The following USP13 variants were observed in gnomAD, a reference collection of about 807,000 sequenced individuals.
USP13 encodes the protein ubiquitin carboxyl-terminal hydrolase 13.
A neutral mutation model predicts 107.8 loss-of-function variants in USP13; 68 were observed. That is an observed-to-expected ratio of 0.63 (90% CI 0.52 to 0.77). The LOEUF is 0.77. USP13 is among the 30% of genes least tolerant of loss of function. The pLI is 0.00. For synonymous variants in USP13, 377 were observed against 389.5 expected, an observed-to-expected ratio of 0.97 and a Z score of 0.38; for missense variants, 945 against 1,093.3, an observed-to-expected ratio of 0.86 and a Z score of 1.91.
chr3:179,711,393 A>G (rs1367149179), intron 6 of USP13, among the ~76,000 whole-genome samples: 1 of 152,108 alleles, frequency 6.6e-6, no homozygotes, highest in Non-Finnish European at 1.5e-5. Flanking sequence ...TTGTATTTTT[A>G]GTAGAGATGG....
intron 1 of USP13, among the ~76,000 whole-genome samples, chr3:179,658,979 C>G (rs757606128): frequency 2.6e-5 from 4 of 152,252 alleles, no homozygotes; most frequent in East Asian, 3.9e-4. Flanking sequence ...AAAAGGTGGC[C>G]GGAGGGGATA....
chr3:179,780,738 T>C (rs556463397), intron 19 of USP13, among the ~76,000 whole-genome samples: 1 of 152,104 alleles, frequency 6.6e-6, no homozygotes, highest in Admixed American at 6.5e-5. Context: ...GCTGAGTAAG[T>C]TGAATGAGCC....
chr3:179,778,053 G>A (rs537468529), intron 19 of USP13, among the ~76,000 whole-genome samples: 2 of 152,006 alleles, frequency 1.3e-5, no homozygotes, highest in South Asian at 4.2e-4. Context: ...AACTTTTTTT[G>A]CCTGGCTTCT....
At chr3:179,730,319 AGT>A in intron 9 of USP13, 59 bp downstream of exon 9, 1 of 1,544,520 alleles carries the variant, frequency 6.5e-7, no homozygotes, top group South Asian at 1.2e-5. Context: ...AAATGTTCAT[AGT>A]GGATATCTCT....
chr3:179,725,922 C>T (rs1250063072), intron 8 of USP13, among the ~76,000 whole-genome samples: 1 of 152,162 alleles, frequency 6.6e-6, no homozygotes, highest in Non-Finnish European at 1.5e-5. Context: ...GGAAAGACCT[C>T]CTCCATGATT....
chr3:179,701,628 A>C (rs774516932), intron 4 of USP13, among the ~76,000 whole-genome samples: 16 of 152,252 alleles, frequency 1.1e-4, no homozygotes, highest in Non-Finnish European at 2.2e-4. Flanking sequence ...AGAACAAAGC[A>C]TTTACAAACT....
At chr3:179,662,529 C>T (rs1720485297) in intron 1 of USP13, among the ~76,000 whole-genome samples, 1 of 152,158 alleles carries the variant, frequency 6.6e-6, no homozygotes, top group Non-Finnish European at 1.5e-5. Flanking sequence ...GCTTTCCAGA[C>T]TTTAGTGCTA....
intron 12 of USP13, among the ~76,000 whole-genome samples, 193 bp from the exon 13 acceptor site, chr3:179,744,850 C>A (rs909670184): frequency 5.9e-5 from 9 of 152,130 alleles, no homozygotes; most frequent in Admixed American, 5.9e-4. Flanking sequence ...TGGCTTGATA[C>A]CACCTGTTGG....
intron 14 of USP13, among the ~76,000 whole-genome samples, 172 bp downstream of exon 14, chr3:179,752,545 C>T (rs1011994386): frequency 6.6e-6 from 1 of 152,216 alleles, no homozygotes; most frequent in Non-Finnish European, 1.5e-5. Flanking sequence ...ATAAAAATTG[C>T]CATCTGCTTA....
At chr3:179,709,427 G>C (rs1207828859) in intron 6 of USP13, among the ~76,000 whole-genome samples, 1 of 152,186 alleles carries the variant, frequency 6.6e-6, no homozygotes, top group Admixed American at 6.5e-5. Context: ...GAGAATATGA[G>C]TTTTAAAGGA....
Position 179,681,901 on chromosome 3 carries a change from A to G in USP13, c.192A>G (p.Val64=). 1 of 1,613,898 alleles carries G rather than the reference A, an allele frequency of 6.2e-7. No individual in the cohort carries two copies. The highest frequency in any genetic ancestry group is 8.5e-7 in the Non-Finnish European group (1 of 1,179,900). The change falls in exon 2 of 21, where the codon GTA becomes GTG. Residue 64 remains valine, a synonymous_variant. Transcript: ENST00000263966. ...DSPNSEGGLY[V]CMNTFLAFGR... ...AGAATTCTGAAGGTGGACTCTATGT[A>G]TGCATGAATACATTTTTGGCCTTTG...
intron 6 of USP13, among the ~76,000 whole-genome samples, chr3:179,710,618 T>C (rs1024978597): frequency 6.6e-6 from 1 of 152,228 alleles, no homozygotes; most frequent in African/African-American, 2.4e-5. Context: ...CCAACTGGTA[T>C]ATAAGCATTT....
chr3:179,718,383 C>G (rs1180106991), intron 6 of USP13, among the ~76,000 whole-genome samples: 1 of 151,892 alleles, frequency 6.6e-6, no homozygotes, highest in Admixed American at 6.6e-5. Context: ...CCTCAAACTC[C>G]TGGCCTCAAG....
rs568834516 is a variant in USP13, at chr3:179,777,349, A to G, written c.2414-4390A>G. On this transcript the variant is annotated intron_variant, in intron 19 of 20. Coordinates refer to ENST00000263966, the MANE Select transcript of USP13 (RefSeq NM_003940.3). Reference sequence around the variant, plus strand: ...CCCTGTCTTATGGTGGGAAGTGCTCAGTAAACACTCTGTTGAATTGCTGAA... The same window carrying G: ...CCCTGTCTTATGGTGGGAAGTGCTCGGTAAACACTCTGTTGAATTGCTGAA... Among the ~76,000 whole-genome samples the G allele has an allele frequency of 1.4e-3, 206 of 151,552 alleles. 1 individual carries two copies. Among genetic ancestry groups the G allele is most frequent in the Non-Finnish European group, 2.3e-3 (158 of 67,968 alleles).
intron 10 of USP13, among the ~76,000 whole-genome samples, chr3:179,731,200 T>C (rs2268936): frequency 0.36 from 54,309 of 151,874 alleles, 11,576 homozygotes; most frequent in Non-Finnish European, 0.46. Flanking sequence ...CACCTGAGGT[T>C]GGGAGTTCGA....
At chr3:179,699,395 C>G (rs1712428005) in intron 3 of USP13, among the ~76,000 whole-genome samples, 1 of 152,102 alleles carries the variant, frequency 6.6e-6, no homozygotes, top group Non-Finnish European at 1.5e-5. Flanking sequence ...GTATTTCTGA[C>G]TCTTACAATT....
At chr3:179,689,690 G>A (rs895622130) in intron 2 of USP13, among the ~76,000 whole-genome samples, 2 of 151,798 alleles carry the variant, frequency 1.3e-5, no homozygotes, top group African/African-American at 4.8e-5. Flanking sequence ...GAAAATACAC[G>A]ATGCTTACGA....
chr3:179,719,008 G>A (rs986798673), intron 6 of USP13, among the ~76,000 whole-genome samples: 1 of 152,110 alleles, frequency 6.6e-6, no homozygotes, highest in African/African-American at 2.4e-5. Context: ...GCCTGCCTCG[G>A]CCTCCCAAAG....
chr3:179,756,408 TCAAAAAAACAAA>T (rs1234176250), intron 15 of USP13, among the ~76,000 whole-genome samples: 9 of 129,246 alleles, frequency 7.0e-5, no homozygotes, highest in South Asian at 2.6e-4. Flanking sequence ...AGACCCTGTC[TCAAAAAAACAAA>T]CAAACAAACA....
Sources: gnomAD v4.1 joint callset for allele counts (sites outside exome capture counted in the v4.1 genomes callset) on GRCh38, gnomAD v4.1.1 for gene constraint, MANE v1.5 for transcripts, NCBI Gene and HGNC (gene_info 2026-07-23, HGNC 2026-07-21) for gene names.